HIVEP3: variants seen among roughly 807,000 people sequenced by gnomAD.
HIVEP3 encodes the protein transcription factor HIVEP3.
A neutral mutation model predicts 152.8 loss-of-function variants in HIVEP3; 49 were observed. The observed-to-expected ratio is 0.32, with a 90% CI of 0.26 to 0.41. HIVEP3 has a LOEUF of 0.41. Ranked by LOEUF, HIVEP3 falls within the 10% of genes least tolerant of loss-of-function variation. The pLI is 1.00. For synonymous variants in HIVEP3, 1,269 were observed against 1,289.0 expected, an observed-to-expected ratio of 0.98 and a Z score of 0.33; for missense variants, 2,790 against 3,103.3, an observed-to-expected ratio of 0.90 and a Z score of 2.40.
At chr1:41,678,249 C>A (rs1360910959) in intron 2 of HIVEP3, among the ~76,000 whole-genome samples, 1 of 152,206 alleles carries the variant, frequency 6.6e-6, no homozygotes, top group Admixed American at 6.5e-5. Context: ...GGATGCTCCG[C>A]TCCAGAGAGA....
intron 1 of HIVEP3, among the ~76,000 whole-genome samples, chr1:42,007,731 G>A (rs1205199062): frequency 2.6e-5 from 4 of 152,126 alleles, no homozygotes; most frequent in Non-Finnish European, 4.4e-5. Context: ...AGCTTTGTCG[G>A]TGCCAATGCT....
intron 5 of HIVEP3, among the ~76,000 whole-genome samples, chr1:41,544,952 CTCT>C (rs1205793621): frequency 3.2e-4 from 3 of 9,396 alleles, no homozygotes; most frequent in Admixed American, 9.7e-4. Context: ...CCACTACCAC[CTCT>C]ACCATCACCA....
At position 41,873,973 on chromosome 1, in the gene HIVEP3, TCTC is replaced by T. The variant is rs1487083297; in HGVS notation, c.-801+44437_-801+44439del. Among the ~76,000 whole-genome samples, 1 of 152,110 alleles carries T rather than the reference TCTC, an allele frequency of 6.6e-6. No homozygotes were observed. The highest frequency in any genetic ancestry group is 6.5e-5 in the Admixed American group (1 of 15,274). ...CCCTCCTTCCCACCCTCGCTTCCCT[TCTC>T]CTCCACACTGTCAACTCTGCTCCAG... On this transcript the variant is annotated intron_variant, in intron 1 of 8. Coordinates refer to ENST00000372583, the MANE Select transcript of HIVEP3 (RefSeq NM_024503.5). The surrounding 1 kb of genome is among the most constrained non-coding windows in gnomAD (Gnocchi z 4.2).
At chr1:41,966,475 C>CTTTTTTTTTTTTTTTG (rs1645198340) in intron 1 of HIVEP3, among the ~76,000 whole-genome samples, 1 of 95,810 alleles carries the variant, frequency 1.0e-5, no homozygotes, top group Non-Finnish European at 1.9e-5. Context: ...GTGCTGTATT[C>CTTTTTTTTTTTTTTTG]TTTTTTTTTT....
At chr1:42,023,871 C>T (rs995895041) in intron 1 of HIVEP3, among the ~76,000 whole-genome samples, 5 of 152,104 alleles carry the variant, frequency 3.3e-5, no homozygotes, top group Admixed American at 6.5e-5. Flanking sequence ...AAGTGATAGT[C>T]GAATTACATA....
rs575136333 is a variant in HIVEP3 at position 41,506,983 on chromosome 1, T to C, written c.*3468A>G. On this transcript the variant is annotated 3_prime_UTR_variant, in exon 9 of 9. Transcript: ENST00000372583. ...AGCGGTTTTCTAATGGAAAGCAGAC[T>C]GGATTCACAACACAGAAGCAGAATT... 6.6e-6 allele frequency: 1 copy of C among 151,924 alleles called. No individual in the cohort carries two copies. The highest frequency in any genetic ancestry group is 1.5e-5 in the Non-Finnish European group (1 of 68,010). The allele number at this position is 151,924 out of a possible 1,614,324, so 9.4% of individuals were successfully genotyped here. A position where few individuals can be genotyped will look rare whatever the true frequency, so the allele number is the denominator to read the frequency against.
In HIVEP3 at chr1:41,979,452, C is replaced by G. The variant is rs1372329699; in HGVS notation, n.119+56355G>C. On this transcript the variant is annotated intron_variant and non_coding_transcript_variant, in intron 1 of 3. Transcript: ENST00000489103. ...AGGCTTAGTCACTTGTCCACAAGCTCTCAGCTAAGTAATGGGATCTGGACT... is the reference window on the plus strand; with the variant it reads ...AGGCTTAGTCACTTGTCCACAAGCTGTCAGCTAAGTAATGGGATCTGGACT... Among the ~76,000 whole-genome samples, 3 of 152,340 alleles carry G rather than the reference C, an allele frequency of 2.0e-5. No individual in the cohort carries two copies. In the East Asian group the frequency reaches 5.8e-4, roughly 29 times the overall value.
At chr1:41,631,467 C>T (rs955949031) in intron 2 of HIVEP3, among the ~76,000 whole-genome samples, 1 of 152,186 alleles carries the variant, frequency 6.6e-6, no homozygotes, top group African/African-American at 2.4e-5. Flanking sequence ...GTAACCCGCA[C>T]ACAGGCCTGG....
chr1:41,527,187 T>A (rs1396410483), intron 5 of HIVEP3, among the ~76,000 whole-genome samples: 1 of 46,406 alleles, frequency 2.2e-5, no homozygotes, highest in African/African-American at 9.6e-5. Flanking sequence ...CCCACTCACC[T>A]TCACTCCCAC....
intron 1 of HIVEP3, among the ~76,000 whole-genome samples, chr1:42,004,670 T>C (rs1458888027): frequency 1.3e-5 from 2 of 152,206 alleles, no homozygotes; most frequent in Non-Finnish European, 2.9e-5. Context: ...AAATACACCA[T>C]GGAACTATTA....
chr1:41,513,481 G>A lies in HIVEP3; in HGVS notation c.5740C>T (p.Arg1914Ter), dbSNP rs1363564454. 6.2e-7 allele frequency: 1 copy of A among 1,610,698 alleles called. No individual in the cohort carries two copies. Among genetic ancestry groups the A allele is most frequent in the Non-Finnish European group, 8.5e-7 (1 of 1,179,148 alleles). ...TCAGCTTCCGAGACCGAGCTGCCTC[G>A]TGTAGCCTCCGTGCCAGAGGCGGGG... ...DAPASGTEATRGSSVSEAERL... is the reference protein window; with the variant it reads ...DAPASGTEAT The change falls in exon 8 of 9, where the codon CGA becomes TGA. Residue 1914 changes from arginine to a stop codon, truncating the protein, a stop_gained. Coordinates refer to ENST00000372583, the MANE Select transcript of HIVEP3 (RefSeq NM_024503.5). LOFTEE classifies it high-confidence loss of function.
intron 1 of HIVEP3, among the ~76,000 whole-genome samples, chr1:41,742,044 T>C (rs989448624): frequency 6.6e-6 from 1 of 152,226 alleles, no homozygotes; most frequent in African/African-American, 2.4e-5. Flanking sequence ...TTCTGACTTG[T>C]AGTTTAGCCC....
rs748332607 is a variant in HIVEP3, at chr1:41,510,654, T to C, written c.7018A>G (p.Asn2340Asp). Residue 2340 changes from asparagine (N) to aspartate (D), a missense_variant, in exon 9 of 9, where the codon AAC (asparagine) becomes GAC (aspartate). Coordinates refer to ENST00000372583, the MANE Select transcript of HIVEP3 (RefSeq NM_024503.5). ...PRLESPRAPTNPEPSATPPLD... is the reference protein window; with the variant it reads ...PRLESPRAPTDPEPSATPPLD... ...GGCGGGGTGGCAGAAGGCTCGGGGT[T>C]GGTCGGTGCACGCGGGGACTCCAAG... 6.5e-7 allele frequency: 1 copy of C among 1,538,378 alleles called. No individual in the cohort carries two copies. Among genetic ancestry groups the C allele is most frequent in the Non-Finnish European group, 8.8e-7 (1 of 1,140,898 alleles).
intron 2 of HIVEP3, among the ~76,000 whole-genome samples, chr1:41,686,139 T>C (rs553527066): frequency 6.6e-6 from 1 of 152,300 alleles, no homozygotes; most frequent in East Asian, 1.9e-4. Context: ...TGGTGCAATC[T>C]CAGCCCACTA....
chr1:41,548,957 G>A (rs951002316), intron 5 of HIVEP3, among the ~76,000 whole-genome samples: 63 of 152,204 alleles, frequency 4.1e-4, no homozygotes, highest in African/African-American at 1.5e-3. Flanking sequence ...GTGCCATGCT[G>A]GTTTGCTGCA....
chr1:41,749,432 G>GTGTGTGTGTGT (rs57099184), intron 1 of HIVEP3, among the ~76,000 whole-genome samples: 3 of 151,146 alleles, frequency 2.0e-5, no homozygotes, highest in African/African-American at 4.9e-5. Flanking sequence ...GTGTGTGTGT[G>GTGTGTGTGTGT]ATGGAGAGAC....
At chr1:41,660,680 G>A (rs1645698672) in intron 2 of HIVEP3, among the ~76,000 whole-genome samples, 1 of 152,220 alleles carries the variant, frequency 6.6e-6, no homozygotes, top group African/African-American at 2.4e-5. Flanking sequence ...TTTCCTTGGA[G>A]AGCAAGCCTA....
intron 1 of HIVEP3, among the ~76,000 whole-genome samples, chr1:42,001,391 T>C (rs565811253): frequency 6.6e-6 from 1 of 152,302 alleles, no homozygotes; most frequent in East Asian, 1.9e-4. Flanking sequence ...AAATATCCTC[T>C]CCTTTTCCAC....
chr1:41,630,515 C>A (rs1322896091), intron 2 of HIVEP3, among the ~76,000 whole-genome samples: 1 of 152,176 alleles, frequency 6.6e-6, no homozygotes, highest in African/African-American at 2.4e-5. Flanking sequence ...CTTCATCATA[C>A]CCTCACCGCC....
Sources: allele counts gnomAD v4.1 joint callset (sites outside exome capture counted in the v4.1 genomes callset), GRCh38; gene constraint gnomAD v4.1.1; non-coding constraint Gnocchi (gnomAD v3.1); transcripts MANE v1.5; gene names NCBI Gene and HGNC (gene_info 2026-07-23, HGNC 2026-07-21).